Variants in KDR observed in about 807,000 individuals in gnomAD.
KDR encodes the protein kinase insert domain receptor.
A neutral mutation model predicts 160.9 loss-of-function variants in KDR; 43 were observed. That is an observed-to-expected ratio of 0.27 (90% confidence interval 0.21 to 0.34). The LOEUF (loss-of-function observed/expected upper bound fraction) is 0.34. KDR is among the 10% of genes least tolerant of loss of function. The probability of loss-of-function intolerance (pLI) is 1.00; values close to 1 mark genes in which losing one functional copy is unlikely to be tolerated. For missense variants in KDR, 1,469 were observed against 1,666.4 expected (o/e 0.88, Z 2.06); for synonymous variants, 617 against 600.1 (o/e 1.03, Z -0.41).
intron 3 of KDR, 142 bp downstream of exon 3, chr4:55,118,462 T>A: frequency 1.4e-6 from 1 of 718,596 alleles, no homozygotes; most frequent in South Asian, 1.5e-5. Flanking sequence ...AGAGAAAGCC[T>A]CAGGAGAGAA....
In KDR at chr4:55,079,830, G is replaced by C; in HGVS notation, c.*111C>G. 1 of 1,008,472 alleles carries C rather than the reference G, an allele frequency of 9.9e-7. No individual in the cohort carries two copies. Among genetic ancestry groups the C allele is most frequent in the Non-Finnish European group, 1.6e-6 (1 of 633,124 alleles). 62.5% of individuals were successfully genotyped at this position (1,008,472 alleles called of 1,614,324 possible). A position where few individuals can be genotyped will look rare whatever the true frequency, so the allele number is the denominator to read the frequency against. On this transcript the variant is annotated 3_prime_UTR_variant, in exon 30 of 30. Coordinates refer to ENST00000263923, the MANE Select transcript of KDR (RefSeq NM_002253.4). ...AGTCCGAGGTCCTTTTTCTGTTGTC[G>C]AAATGAAAATCAAATGCGGCTACTT...
At position 55,107,754 on chromosome 4, in the gene KDR, C is replaced by T. The variant is rs1361832474; in HGVS notation, c.1395G>A (p.Glu465=). 2 of 1,613,924 alleles carry T rather than the reference C, an allele frequency of 1.2e-6. No homozygotes were observed. ...HIHWYWQLEE[E]CANEPSQAVS... The stretch of plus-strand genomic sequence containing the variant: ...TTACTCACCTGGGCTCGTTGGCGCA[C>T]TCTTCCTCCAACTGCCAATACCAGT... Residue 465 remains glutamate (E), a synonymous_variant, in exon 10 of 30, where the codon GAG becomes GAA. Coordinates refer to ENST00000263923, the MANE Select transcript of KDR (RefSeq NM_002253.4).
intron 1 of KDR, among the ~76,000 whole-genome samples, chr4:55,121,943 C>G (rs116422000): frequency 6.6e-6 from 1 of 151,936 alleles, no homozygotes; most frequent in African/African-American, 2.4e-5. Flanking sequence ...TGAATATTTT[C>G]GTGAAAAATT....
chr4:55,110,098 A>C (rs1444250954), intron 9 of KDR, among the ~76,000 whole-genome samples: 1 of 152,200 alleles, frequency 6.6e-6, no homozygotes, highest in African/African-American at 2.4e-5. Flanking sequence ...TGGTAGTATA[A>C]CTTAGCTTGA....
In KDR at chr4:55,113,479, A is replaced by G; in HGVS notation, c.801T>C (p.His267=). ...CTCGGTTTACAAGTTTCTTATGCTG[A>G]TGCTGAAAAAAAGAGTTGACTGAAC... ...DFNWEYPSSK[H]QHKKLVNRDL... Residue 267 remains histidine, a splice_region_variant and synonymous_variant, in exon 7 of 30, where the codon CAT becomes CAC. Transcript: ENST00000263923. 1 of 1,613,900 alleles carries G rather than the reference A, an allele frequency of 6.2e-7. No individual in the cohort carries two copies. Among genetic ancestry groups the G allele is most frequent in the East Asian group, 2.2e-5 (1 of 44,880 alleles).
At chr4:55,107,286 T>C (rs1487971150) in intron 10 of KDR, among the ~76,000 whole-genome samples, 1 of 152,130 alleles carries the variant, frequency 6.6e-6, no homozygotes, top group African/African-American at 2.4e-5. Flanking sequence ...TAAGGATGTC[T>C]GGACTTGTGT....
Position 55,114,258 on chromosome 4 carries a change from C to G in KDR, c.666G>C (p.Arg222Ser). 6.2e-7 allele frequency: 1 copy of G among 1,613,772 alleles called. No individual in the cohort carries two copies. Among genetic ancestry groups the G allele is most frequent in the East Asian group, 2.2e-5 (1 of 44,874 alleles). ...IMYIVVVVGY[R>S]IYDVVLSPSH... ...ACGGACTCAGAACCACATCATAAAT[C>G]CTATACCCTAGAGCAAGTAAATTGA... The change falls in exon 6 of 30, where the codon AGG becomes AGC. Residue 222 changes from arginine (R) to serine (S), a missense_variant. Coordinates refer to ENST00000263923, the MANE Select transcript of KDR (RefSeq NM_002253.4).
At position 55,106,923 on chromosome 4, in the gene KDR, C is replaced by A. The variant is rs567740027; in HGVS notation, c.1413-113G>T. On this transcript the variant is annotated intron_variant, in intron 10 of 29. Transcript: ENST00000263923. ...TTCTGTTCTTAGAAATAACTTCCAACGCAGCCTACCATGGTACAAGACTTG... is the reference window on the plus strand; with the variant it reads ...TTCTGTTCTTAGAAATAACTTCCAAAGCAGCCTACCATGGTACAAGACTTG... 2.8e-5 allele frequency: 26 copies of A among 918,612 alleles called. No homozygotes were observed. The African/African-American group carries it at 3.6e-4, about 13-fold the overall frequency. The allele number at this position is 918,612 out of a possible 1,614,324, so 56.9% of individuals were successfully genotyped here.
rs1347237662 is a variant in KDR, at chr4:55,104,692, G to A, written c.1938C>T (p.Asp646=). 6.2e-7 allele frequency: 1 copy of A among 1,613,816 alleles called. No individual in the cohort carries two copies. Among genetic ancestry groups the A allele is most frequent in the Non-Finnish European group, 8.5e-7 (1 of 1,179,852 alleles). Residue 646 remains aspartate (D), a synonymous_variant, in exon 13 of 30, where the codon GAC becomes GAT. Coordinates refer to ENST00000263923, the MANE Select transcript of KDR (RefSeq NM_002253.4). ...CGCAATGTCTTTTCTTGGTCTTCCTGTCTTGAGCAAGGCAGACATAGTCTC... is the reference window on the plus strand; with the variant it reads ...CGCAATGTCTTTTCTTGGTCTTCCTATCTTGAGCAAGGCAGACATAGTCTC... ...DQGDYVCLAQ[D]RKTKKRHCVV...
In KDR at chr4:55,079,874, A is replaced by G; in HGVS notation, c.*67T>C. 1 of 1,389,232 alleles carries G rather than the reference A, an allele frequency of 7.2e-7. No homozygotes were observed. The highest frequency in any genetic ancestry group is 1.0e-6 in the Non-Finnish European group (1 of 975,838). 86.1% of individuals were successfully genotyped at this position (1,389,232 alleles called of 1,614,324 possible). A position where few individuals can be genotyped will look rare whatever the true frequency, so the allele number is the denominator to read the frequency against. On this transcript the variant is annotated 3_prime_UTR_variant, in exon 30 of 30. Coordinates refer to ENST00000263923, the MANE Select transcript of KDR (RefSeq NM_002253.4). ...GCTACTTCCTGCTGGTGGAAAGAAC[A>G]ACACTTGAAAATCTGAGCAGCACCT...
Position 55,114,387 on chromosome 4 carries a change from C to T in KDR, c.659-122G>A, listed in dbSNP as rs148917216. The T allele has an allele frequency of 3.8e-5, 38 of 997,912 alleles. No homozygotes were observed. The East Asian group carries it at 4.4e-4, about 12-fold the overall frequency. 61.8% of individuals were successfully genotyped at this position (997,912 alleles called of 1,614,324 possible). ...TGCCACATTGTTTTTCCCTGCAGGC[C>T]TCACCAATACTTGGTAGCTCCCAGG... is the stretch of plus-strand genomic sequence containing the variant. On this transcript the variant is annotated intron_variant, in intron 5 of 29. Transcript: ENST00000263923.
intron 9 of KDR, 146 bp from the exon 10 acceptor site, chr4:55,108,039 A>C: frequency 1.2e-6 from 1 of 824,750 alleles, no homozygotes; most frequent in Non-Finnish European, 2.0e-6. Flanking sequence ...TGTGGAAACA[A>C]GAGACCTGAG....
In KDR at chr4:55,083,722, G is replaced by C. The variant is rs138277452; in HGVS notation, c.3663-1087C>G. Among the ~76,000 whole-genome samples, 396 of 151,638 alleles carry C rather than the reference G, an allele frequency of 2.6e-3. 3 individuals are homozygous for C. The highest frequency in any genetic ancestry group is 4.8e-3 in the South Asian group (23 of 4,804). ...ACTTCCCACTACAAGCAGACTTCTG[G>C]AACATGCTGCATAGACCTTGGGCCA... On this transcript the variant is annotated intron_variant, in intron 27 of 29. Coordinates refer to ENST00000263923, the MANE Select transcript of KDR (RefSeq NM_002253.4).
intron 7 of KDR, among the ~76,000 whole-genome samples, chr4:55,111,764 G>C (rs1300004453): frequency 2.0e-5 from 3 of 152,190 alleles, no homozygotes; most frequent in African/African-American, 7.2e-5. Flanking sequence ...TGTTCATTCA[G>C]AAGAAATTTT....
At chr4:55,105,293 T>G (rs921687921) in intron 12 of KDR, among the ~76,000 whole-genome samples, 2 of 152,210 alleles carry the variant, frequency 1.3e-5, no homozygotes, top group Non-Finnish European at 1.5e-5. Context: ...AATTTTAAAA[T>G]TAGGTCTTCA....
rs775644461 is a variant in KDR, at chr4:55,079,994, C to T, written c.4018G>A (p.Ala1340Thr). The T allele has an allele frequency of 6.8e-6, 11 of 1,614,182 alleles. No individual in the cohort carries two copies. The highest frequency in any genetic ancestry group is 8.5e-6 in the Non-Finnish European group (10 of 1,180,044). The change falls in exon 30 of 30, where the codon GCC becomes ACC. Residue 1340 changes from alanine to threonine, a missense_variant. Coordinates refer to ENST00000263923, the MANE Select transcript of KDR (RefSeq NM_002253.4). The stretch of plus-strand genomic sequence containing the variant: ...CCCGAGTCAGGCTGGAGAATCTGGG[C>T]TGTGCTACCGGTTTGCACTCCAATC... ...IEIGVQTGST[A>T]QILQPDSGTT... is the part of the protein sequence containing the mutation.
chr4:55,085,318 G>A (rs905753428), intron 27 of KDR, among the ~76,000 whole-genome samples: 1 of 152,202 alleles, frequency 6.6e-6, no homozygotes, highest in African/African-American at 2.4e-5. Flanking sequence ...TAAATGCTAA[G>A]TAAATATTTT....
chr4:55,107,722 T>G lies in KDR; in HGVS notation c.1412+15A>C. 1 of 1,613,816 alleles carries G rather than the reference T, an allele frequency of 6.2e-7. No homozygotes were observed. Among genetic ancestry groups the G allele is most frequent in the African/African-American group, 1.3e-5 (1 of 75,032 alleles). On this transcript the variant is annotated intron_variant, in intron 10 of 29. Transcript: ENST00000263923. ...CAAGATGGCAGGAAAGCAAAGAGCA[T>G]GTGGCCTTACTCACCTGGGCTCGTT...
chr4:55,098,345 G>A (rs1256086488), intron 16 of KDR, 73 bp from the exon 17 acceptor site: 3 of 1,535,922 alleles, frequency 2.0e-6, no homozygotes, highest in South Asian at 1.1e-5. Flanking sequence ...TGTTATTGCT[G>A]TTTATTGGAG....
Sources: gnomAD v4.1 joint callset for allele counts (sites outside exome capture counted in the v4.1 genomes callset) on GRCh38, gnomAD v4.1.1 for gene constraint, MANE v1.5 for transcripts, NCBI Gene and HGNC (gene_info 2026-07-23, HGNC 2026-07-21) for gene names.